The following CLEC2B variants were observed in gnomAD, a reference collection of about 807,000 sequenced individuals.
CLEC2B encodes C-type (calcium dependent, carbohydrate-recognition domain) lectin, superfamily member 2 (activation-induced).
A neutral mutation model predicts 16.2 loss-of-function variants in CLEC2B; 14 were observed. The observed-to-expected ratio is 0.86, with a 90% CI of 0.57 to 1.35. CLEC2B has a LOEUF of 1.35. Ranked by LOEUF, CLEC2B falls within the 40% of genes most tolerant of loss-of-function variation. The pLI, the probability that CLEC2B is intolerant of heterozygous loss-of-function variation, is 0.00. For missense variants in CLEC2B, 166 were observed against 182.3 expected (o/e 0.91, Z 0.52); for synonymous variants, 42 against 55.8 (o/e 0.75, Z 1.10).
At chr12:9,861,449 T>A (rs773590717) in intron 2 of CLEC2B, among the ~76,000 whole-genome samples, 3 of 152,298 alleles carry the variant, frequency 2.0e-5, no homozygotes, top group Admixed American at 6.5e-5. Context: ...ATGGAGCAAT[T>A]GGAATTCTCA....
At chr12:9,867,111 G>A (rs1312525696) in intron 1 of CLEC2B, 1 of 152,156 alleles carries the variant, frequency 6.6e-6, no homozygotes, top group African/African-American at 2.4e-5. Context: ...TAGACCCGAA[G>A]AGGTCATTTA....
At chr12:9,866,393 T>C (rs1431818111) in intron 1 of CLEC2B, among the ~76,000 whole-genome samples, 1 of 152,124 alleles carries the variant, frequency 6.6e-6, no homozygotes, top group Non-Finnish European at 1.5e-5. Flanking sequence ...CAAACCTTTG[T>C]GGCATGTAAT....
intron 2 of CLEC2B, among the ~76,000 whole-genome samples, chr12:9,858,171 T>C (rs773788143): frequency 1.4e-4 from 21 of 152,048 alleles, no homozygotes; most frequent in Non-Finnish European, 2.4e-4. Context: ...AAGCAGAAGA[T>C]ATAATTCCTG....
rs912152562 is a variant in CLEC2B at position 9,854,619 on chromosome 12, G to A, written c.238-135C>T. 5.4e-6 allele frequency: 3 copies of A among 554,122 alleles called. No individual in the cohort carries two copies. The African/African-American group carries it at 5.9e-5, about 11-fold the overall frequency. The allele number at this position is 554,122 out of a possible 1,614,324, so 34.3% of individuals were successfully genotyped here. On this transcript the variant is annotated intron_variant, in intron 3 of 4. Coordinates refer to ENST00000228438, the MANE Select transcript of CLEC2B (RefSeq NM_005127.3). ...CCTGGCCTCACTAGAAAATAGCTAT[G>A]GAGTTTTGAAAAAGTACTTTATTTT...
Position 9,857,612 on chromosome 12 carries a change from ACT to A in CLEC2B, c.97_98del (p.Ser33PhefsTer5), listed in dbSNP as rs1278555261. Reference sequence around the variant, plus strand: ...AACCAATCCAATCATAGGGGCATAAACTCTGAGAATCTCGAGTTAGTTTAACT... The same window carrying A: ...AACCAATCCAATCATAGGGGCATAAACTGAGAATCTCGAGTTAGTTTAACT... ...LIVKLTRDSQ[S>X]LCPYDWIGFQ... On this transcript the variant is annotated frameshift_variant, in exon 3 of 5. Coordinates refer to ENST00000228438, the MANE Select transcript of CLEC2B (RefSeq NM_005127.3). LOFTEE classifies it high-confidence loss of function. 5.6e-6 allele frequency: 9 copies of A among 1,610,378 alleles called. No individual in the cohort carries two copies. The highest frequency in any genetic ancestry group is 4.0e-5 in the African/African-American group (3 of 74,764).
intron 1 of CLEC2B, 63 bp from the exon 2 acceptor site, chr12:9,862,636 A>G: frequency 7.6e-7 from 1 of 1,316,826 alleles, no homozygotes; most frequent in Non-Finnish European, 9.8e-7. Flanking sequence ...CATAAAAGTA[A>G]GTTGGCTTTA....
Position 9,853,083 on chromosome 12 carries a change from A to AAGAGAAAGAAAGAAAGAG in CLEC2B, c.*216_*217insCTCTTTCTTTCTTTCTCT, listed in dbSNP as rs1555123315. The AAGAGAAAGAAAGAAAGAG allele has an allele frequency of 1.3e-4, 44 of 329,902 alleles. 1 individual carries two copies. The highest frequency in any genetic ancestry group is 8.6e-4 in the Middle Eastern group (1 of 1,164). 20.4% of individuals were successfully genotyped at this position (329,902 alleles called of 1,614,324 possible). A position where few individuals can be genotyped will look rare whatever the true frequency, so the allele number is the denominator to read the frequency against. The stretch of plus-strand genomic sequence containing the variant: ...AAAGAAAGAAAGAAAGAAAGAAAGA[A>AAGAGAAAGAAAGAAAGAG]AGAGAGAGAGAGAAAGAAAGAAAGA... On this transcript the variant is annotated 3_prime_UTR_variant, in exon 5 of 5. Transcript: ENST00000228438.
chr12:9,867,203 C>T (rs538318423), intron 1 of CLEC2B: 1 of 152,220 alleles, frequency 6.6e-6, no homozygotes, highest in Admixed American at 6.5e-5. Context: ...TCTTATACAA[C>T]CTGGGAAACT....
At chr12:9,858,884 G>C (rs780119291) in intron 2 of CLEC2B, among the ~76,000 whole-genome samples, 13 of 151,890 alleles carry the variant, frequency 8.6e-5, no homozygotes, top group Non-Finnish European at 1.8e-4. Flanking sequence ...AATAATTCTG[G>C]TGCCTTCAGG....
intron 3 of CLEC2B, among the ~76,000 whole-genome samples, chr12:9,855,651 C>T (rs1311023839): frequency 6.6e-6 from 1 of 151,826 alleles, no homozygotes; most frequent in South Asian, 2.1e-4. Flanking sequence ...GGAAAGGCTT[C>T]AGGAGAGAGC....
chr12:9,866,397 A>G (rs1429710889), intron 1 of CLEC2B, among the ~76,000 whole-genome samples: 2 of 152,108 alleles, frequency 1.3e-5, no homozygotes, highest in Non-Finnish European at 2.9e-5. Flanking sequence ...CCTTTGTGGC[A>G]TGTAATTGTA....
intron 2 of CLEC2B, among the ~76,000 whole-genome samples, chr12:9,861,968 A>T (rs1867935884): frequency 1.3e-5 from 2 of 152,170 alleles, no homozygotes; most frequent in Admixed American, 1.3e-4. Flanking sequence ...ACAAAGCATA[A>T]AATATTTACT....
chr12:9,867,597 C>T (rs1037961505), intron 1 of CLEC2B, among the ~76,000 whole-genome samples: 1 of 152,044 alleles, frequency 6.6e-6, no homozygotes, highest in Non-Finnish European at 1.5e-5. Context: ...AGCATAGCTG[C>T]CTTTCAAACA....
rs537397433 is a variant in CLEC2B, at chr12:9,863,289, C to T, written c.-2-716G>A. Among the ~76,000 whole-genome samples the T allele has an allele frequency of 2.0e-4, 30 of 152,152 alleles. No homozygotes were observed. In the East Asian group the frequency reaches 3.5e-3, roughly 18 times the overall value. Reference sequence around the variant, plus strand: ...AGGCCGAAACCTAGCTGCCGCCCCCCACCCCCAAAAAAATCGACAGGTAAA... The same window carrying T: ...AGGCCGAAACCTAGCTGCCGCCCCCTACCCCCAAAAAAATCGACAGGTAAA... On this transcript the variant is annotated intron_variant, in intron 1 of 4. Coordinates refer to ENST00000228438, the MANE Select transcript of CLEC2B (RefSeq NM_005127.3).
intron 3 of CLEC2B, among the ~76,000 whole-genome samples, chr12:9,855,891 C>T (rs7974955): frequency 6.6e-6 from 1 of 151,884 alleles, no homozygotes; most frequent in Non-Finnish European, 1.5e-5. Context: ...TTTAAATAAT[C>T]GATTACAATT....
chr12:9,865,234 G>C (rs1421476588), intron 1 of CLEC2B, among the ~76,000 whole-genome samples: 1 of 141,088 alleles, frequency 7.1e-6, no homozygotes, highest in African/African-American at 2.6e-5. Context: ...TTGGTAAAGA[G>C]AAAACCCTAA....
At chr12:9,862,319 G>T (rs993782014) in intron 2 of CLEC2B, among the ~76,000 whole-genome samples, 180 bp downstream of exon 2, 1 of 151,918 alleles carries the variant, frequency 6.6e-6, no homozygotes, top group East Asian at 1.9e-4. Flanking sequence ...AATAATTTTG[G>T]TATCTCTGAT....
chr12:9,863,124 G>A (rs1867945876), intron 1 of CLEC2B, among the ~76,000 whole-genome samples: 1 of 152,080 alleles, frequency 6.6e-6, no homozygotes, highest in Admixed American at 6.6e-5. Flanking sequence ...CAGGTCCCCT[G>A]GGCTGGAACA....
In CLEC2B at chr12:9,859,422, T is replaced by G. The variant is rs76598835; in HGVS notation, c.74-1785A>C. 2.2e-3 allele frequency among the ~76,000 whole-genome samples: 333 copies of G among 151,780 alleles called. 1 individual carries two copies. The highest frequency in any genetic ancestry group is 7.7e-3 in the African/African-American group (320 of 41,484). The stretch of plus-strand genomic sequence containing the variant: ...TTTTAAAAAATGTAACTGTGAGAGA[T>G]AAAAACACAAATTAGCAACACAAAG... On this transcript the variant is annotated intron_variant, in intron 2 of 4. Transcript: ENST00000228438.
Sources: allele counts gnomAD v4.1 joint callset (sites outside exome capture counted in the v4.1 genomes callset), GRCh38; gene constraint gnomAD v4.1.1; transcripts MANE v1.5; gene names NCBI Gene and HGNC (gene_info 2026-07-23, HGNC 2026-07-21).